Variants in NUCKS1 observed in about 807,000 individuals in gnomAD.
NUCKS1 encodes the protein nuclear ubiquitous casein and cyclin-dependent kinase substrate 1.
Under a neutral mutation model 33.0 loss-of-function variants are expected in NUCKS1, and 2 were observed. The observed-to-expected ratio is 0.06, with a 90% CI of 0.02 to 0.19. The LOEUF (loss-of-function observed/expected upper bound fraction) is 0.19. Among genes scored for constraint, NUCKS1 ranks in the 10% least tolerant of loss-of-function variants. The probability of loss-of-function intolerance (pLI) is 1.00; values close to 1 mark genes in which losing one functional copy is unlikely to be tolerated. For missense variants in NUCKS1, 201 were observed against 293.6 expected, an observed-to-expected ratio of 0.68 and a Z score of 2.31; for synonymous variants, 106 against 102.8, an observed-to-expected ratio of 1.03 and a Z score of -0.19.
chr1:205,747,985 G>C (rs1351782765), intron 1 of NUCKS1, among the ~76,000 whole-genome samples: 1 of 150,086 alleles, frequency 6.7e-6, no homozygotes, highest in African/African-American at 2.5e-5. Context: ...TTAATAATTT[G>C]AAAATGGCAA....
chr1:205,747,179 T>C (rs542429654), intron 1 of NUCKS1, among the ~76,000 whole-genome samples: 4 of 147,950 alleles, frequency 2.7e-5, no homozygotes, highest in Admixed American at 2.6e-4. Context: ...GGGACCAGAA[T>C]TGGGAATTGG....
At chr1:205,731,120 A>G (rs564050177) in intron 1 of NUCKS1, 1 of 152,354 alleles carries the variant, frequency 6.6e-6, no homozygotes, top group South Asian at 2.1e-4. Flanking sequence ...TGCTTTATTT[A>G]AAAAACTATG....
chr1:205,722,158 C>T (rs1571571372), intron 4 of NUCKS1, among the ~76,000 whole-genome samples: 1 of 152,084 alleles, frequency 6.6e-6, no homozygotes, highest in Non-Finnish European at 1.5e-5. Flanking sequence ...TCATTGCAGC[C>T]TGTGCCTCCT....
chr1:205,720,871 A>G (rs1671905639), intron 4 of NUCKS1, among the ~76,000 whole-genome samples: 1 of 152,238 alleles, frequency 6.6e-6, no homozygotes, highest in African/African-American at 2.4e-5. Flanking sequence ...ATGCCCATCA[A>G]TGATAGACTG....
At chr1:205,745,421 TGAG>T (rs1654295937) in intron 1 of NUCKS1, among the ~76,000 whole-genome samples, 1 of 152,030 alleles carries the variant, frequency 6.6e-6, no homozygotes, top group South Asian at 2.1e-4. Context: ...CCTGAAAGGT[TGAG>T]GATGCAGTGA....
chr1:205,724,081 C>T, intron 3 of NUCKS1, 100 bp from the exon 4 acceptor site: 2 of 860,118 alleles, frequency 2.3e-6, no homozygotes, highest in East Asian at 2.4e-5. Context: ...GTGAAAAATA[C>T]CTCTTCTATA....
In NUCKS1 at chr1:205,718,109, G is replaced by A. The variant is rs2102428638; in HGVS notation, c.*171C>T. On this transcript the variant is annotated 3_prime_UTR_variant, in exon 7 of 7. Coordinates refer to ENST00000367142, the MANE Select transcript of NUCKS1 (RefSeq NM_022731.5). ...TTAAAAAAAAAAAAAAAAAAAGAGAGAGAGAGAGAAATGTTACTTTCAACA... is the reference window on the plus strand; with the variant it reads ...TTAAAAAAAAAAAAAAAAAAAGAGAAAGAGAGAGAAATGTTACTTTCAACA... 4 of 1,188,134 alleles carry A rather than the reference G, an allele frequency of 3.4e-6. No individual in the cohort carries two copies. Among genetic ancestry groups the A allele is most frequent in the Non-Finnish European group, 4.2e-6 (4 of 954,596 alleles). 73.6% of individuals were successfully genotyped at this position (1,188,134 alleles called of 1,614,324 possible). A position where few individuals can be genotyped will look rare whatever the true frequency, so the allele number is the denominator to read the frequency against.
chr1:205,726,408 T>C (rs1000506919), intron 3 of NUCKS1, among the ~76,000 whole-genome samples: 1 of 152,334 alleles, frequency 6.6e-6, no homozygotes, highest in African/African-American at 2.4e-5. Context: ...CTAGAAGACT[T>C]GTTTCCCAAC....
Position 205,724,484 on chromosome 1 carries a change from A to T in NUCKS1, c.174-503T>A, listed in dbSNP as rs141982042. ...TGAGGTAGGCAGATTGCTGGAGGCC[A>T]GGAGTTCAAGACCAGCCTGGCTAAC... On this transcript the variant is annotated intron_variant, in intron 3 of 6. Coordinates refer to ENST00000367142, the MANE Select transcript of NUCKS1 (RefSeq NM_022731.5). 4.7e-3 allele frequency among the ~76,000 whole-genome samples: 719 copies of T among 152,318 alleles called. 5 individuals are homozygous for T. Among genetic ancestry groups the T allele is most frequent in the African/African-American group, 0.016 (677 of 41,574 alleles).
chr1:205,723,405 C>T (rs923231880), intron 4 of NUCKS1, among the ~76,000 whole-genome samples: 4 of 152,064 alleles, frequency 2.6e-5, no homozygotes, highest in African/African-American at 9.7e-5. Flanking sequence ...CCCATTAATT[C>T]ATATTAATTT....
chr1:205,724,329 CAT>C (rs1671967545), intron 3 of NUCKS1, among the ~76,000 whole-genome samples: 1 of 152,066 alleles, frequency 6.6e-6, no homozygotes, highest in South Asian at 2.1e-4. Flanking sequence ...ACTAAAAATA[CAT>C]AGTGTTGATG....
In NUCKS1 at chr1:205,718,313, C is replaced by T. The variant is rs1259917686; in HGVS notation, c.699G>A (p.Gly233=). The change falls in exon 7 of 7, where the codon GGG becomes GGA. Residue 233 remains glycine, a synonymous_variant. Transcript: ENST00000367142. ...SPPPEKSGDE[G]SEDEAPSGED is the part of the protein sequence containing the mutation. The stretch of plus-strand genomic sequence containing the variant: ...CCCCAGAAGGGGCTTCATCTTCAGA[C>T]CCTTCATCCCCAGATTTCTCGGGTG... 6 of 1,613,214 alleles carry T rather than the reference C, an allele frequency of 3.7e-6. No homozygotes were observed. Among genetic ancestry groups the T allele is most frequent in the Non-Finnish European group, 4.2e-6 (5 of 1,179,866 alleles).
rs1284569184 is a variant in NUCKS1 at position 205,727,777 on chromosome 1, A to T, written c.96T>A (p.Pro32=). The T allele has an allele frequency of 6.2e-7, 1 of 1,612,478 alleles. No individual in the cohort carries two copies. Among genetic ancestry groups the T allele is most frequent in the African/African-American group, 1.3e-5 (1 of 74,810 alleles). ...ADEDYGRDSG[P]PTKKIRSSPR... ...GAGATGATCGAATTTTCTTAGTGGG[A>T]GGGCCCGAATCTCTTCCATAATCTT... Residue 32 remains proline, a synonymous_variant, in exon 3 of 7, where the codon CCT becomes CCA. Coordinates refer to ENST00000367142, the MANE Select transcript of NUCKS1 (RefSeq NM_022731.5).
rs147030141 is a variant in NUCKS1, at chr1:205,746,399, A to C, written c.17+3558T>G. 4.6e-3 allele frequency among the ~76,000 whole-genome samples: 696 copies of C among 151,598 alleles called. 2 individuals are homozygous for C. The highest frequency in any genetic ancestry group is 0.016 in the African/African-American group (646 of 41,336). On this transcript the variant is annotated intron_variant, in intron 1 of 6. Coordinates refer to ENST00000367142, the MANE Select transcript of NUCKS1 (RefSeq NM_022731.5). ...TCTTTTTAGAGGAAACTGACAGGTA[A>C]TTTTAAAAAGTATAGATCCAAGGTT...
rs1671803877 is a variant in NUCKS1, at chr1:205,715,290, C to T, written c.*2990G>A. 6.6e-6 allele frequency: 1 copy of T among 152,178 alleles called. No individual in the cohort carries two copies. Among genetic ancestry groups the T allele is most frequent in the South Asian group, 2.1e-4 (1 of 4,834 alleles). The allele number at this position is 152,178 out of a possible 1,614,324, so 9.4% of individuals were successfully genotyped here. ...TGTGAAAACAGTCAATATGTAAGCT[C>T]CTTCAAGGGAAATCAACTACTGTTC... On this transcript the variant is annotated 3_prime_UTR_variant, in exon 7 of 7. Transcript: ENST00000367142.
chr1:205,750,022 C>CCCA lies in NUCKS1; in HGVS notation c.-50_-49insTGG. 2 of 1,016,150 alleles carry CCCA rather than the reference C, an allele frequency of 2.0e-6. No homozygotes were observed. The highest frequency in any genetic ancestry group is 1.3e-5 in the South Asian group (1 of 74,582). 62.9% of individuals were successfully genotyped at this position (1,016,150 alleles called of 1,614,324 possible). A position where few individuals can be genotyped will look rare whatever the true frequency, so the allele number is the denominator to read the frequency against. The stretch of plus-strand genomic sequence containing the variant: ...GTCGAGAAGCCAAAGACCAGGACCC[C>CCCA]CCCCACCCCGCGCGCTCGGCGCCCC... On this transcript the variant is annotated 5_prime_UTR_variant, in exon 1 of 7. Transcript: ENST00000367142.
chr1:205,719,435 T>C, intron 6 of NUCKS1, 92 bp downstream of exon 6: 3 of 1,339,686 alleles, frequency 2.2e-6, no homozygotes, highest in Non-Finnish European at 3.1e-6. Context: ...ATCAGGCCAA[T>C]GCCAAATCCT....
rs78311899 is a variant in NUCKS1, at chr1:205,718,085, TAAAAAAAAAA to T, written c.*185_*194del. 3.9e-6 allele frequency: 4 copies of T among 1,020,768 alleles called. No individual in the cohort carries two copies. The highest frequency in any genetic ancestry group is 1.1e-4 in the Admixed American group (2 of 17,952). 63.2% of individuals were successfully genotyped at this position (1,020,768 alleles called of 1,614,324 possible). A position where few individuals can be genotyped will look rare whatever the true frequency, so the allele number is the denominator to read the frequency against. ...CACTTACACATACAATGGTTTGCTT[TAAAAAAAAAA>T]AAAAAAAAAGAGAGAGAGAGAGAAA... On this transcript the variant is annotated 3_prime_UTR_variant, in exon 7 of 7. Transcript: ENST00000367142.
chr1:205,742,190 A>C (rs895089260), intron 1 of NUCKS1, among the ~76,000 whole-genome samples: 5 of 152,098 alleles, frequency 3.3e-5, no homozygotes, highest in African/African-American at 4.8e-5. Context: ...GACCTAGAAC[A>C]CTCCAACCAA....
Sources: gnomAD v4.1 joint callset for allele counts (sites outside exome capture counted in the v4.1 genomes callset) on GRCh38, gnomAD v4.1.1 for gene constraint, MANE v1.5 for transcripts, NCBI Gene and HGNC (gene_info 2026-07-23, HGNC 2026-07-21) for gene names.